Variants in MUC4 observed in about 807,000 individuals in gnomAD.
The protein encoded by MUC4 is mucin-4.
In MUC4, 202 loss-of-function variants were observed where a neutral mutation model predicts 257.9. The ratio of observed to expected loss-of-function variants is 0.78; its 90% CI spans 0.70 to 0.88. The LOEUF is 0.88. Among genes scored for constraint, MUC4 ranks in the 40% least tolerant of loss-of-function variants. MUC4 has a pLI of 0.00. For synonymous variants in MUC4, 2,351 were observed against 2,757.1 expected (o/e 0.85, Z 4.62); for missense variants, 5,976 against 6,513.7 (o/e 0.92, Z 2.84).
intron 10 of MUC4, 100 bp downstream of exon 10, chr3:195,764,897 G>T: frequency 6.6e-7 from 1 of 1,506,700 alleles, no homozygotes; most frequent in Non-Finnish European, 9.0e-7. Flanking sequence ...TGGAGGCCCA[G>T]AGAGGGGAAG....
In MUC4 at chr3:195,790,244, T is replaced by C. The variant is rs763486425; in HGVS notation, c.1336A>G (p.Lys446Glu). Residue 446 changes from lysine to glutamate, a missense_variant, in exon 2 of 25, where the codon AAA (lysine) becomes GAA (glutamate). Coordinates refer to ENST00000463781, the MANE Select transcript of MUC4 (RefSeq NM_018406.7). Reference sequence around the variant, plus strand: ...TGGGTGTGGAAAGCTGTGGATATTTTTGGAGGTAGAGAACTGGGGGAGAGT... The same window carrying C: ...TGGGTGTGGAAAGCTGTGGATATTTCTGGAGGTAGAGAACTGGGGGAGAGT... Reference protein sequence around the residue: ...TALSPSSLPPKISTAFHTQQS... With the variant: ...TALSPSSLPPEISTAFHTQQS... 6 of 1,614,016 alleles carry C rather than the reference T, an allele frequency of 3.7e-6. No homozygotes were observed. The highest frequency in any genetic ancestry group is 3.3e-5 in the Admixed American group (2 of 60,022).
chr3:195,802,361 T>G (rs1229691061), intron 1 of MUC4, among the ~76,000 whole-genome samples: 1 of 57,182 alleles, frequency 1.7e-5, no homozygotes, highest in Non-Finnish European at 4.2e-5. Context: ...GCCTCCTCAC[T>G]GCCCCTGCTG....
At chr3:195,767,323 G>A (rs1467701077) in intron 7 of MUC4, among the ~76,000 whole-genome samples, 2 of 151,260 alleles carry the variant, frequency 1.3e-5, no homozygotes, top group African/African-American at 4.8e-5. Context: ...CCTCAGAACT[G>A]AGTGAGGCCT....
chr3:195,763,386 G>T, intron 12 of MUC4, 47 bp downstream of exon 12: 1 of 1,387,974 alleles, frequency 7.2e-7, no homozygotes, highest in Non-Finnish European at 9.4e-7. Flanking sequence ...GTGGCTGAAG[G>T]TCCCTGTGGG....
At chr3:195,800,994 C>A (rs140561024) in intron 1 of MUC4, among the ~76,000 whole-genome samples, 1 of 151,964 alleles carries the variant, frequency 6.6e-6, no homozygotes, top group Non-Finnish European at 1.5e-5. Flanking sequence ...GTGGACCCCA[C>A]GTTCAGAAAC....
chr3:195,769,306 A>G, intron 6 of MUC4, 154 bp from the exon 7 acceptor site: 1 of 1,191,370 alleles, frequency 8.4e-7, no homozygotes, highest in Non-Finnish European at 1.1e-6. Flanking sequence ...AAATGCTGGC[A>G]AGTTTTGGGT....
rs189878383 is a variant in MUC4, at chr3:195,801,281, A to G, written c.83-9784T>C. 1.2e-4 allele frequency among the ~76,000 whole-genome samples: 19 copies of G among 152,242 alleles called. No individual in the cohort carries two copies. In the East Asian group the frequency reaches 3.7e-3, roughly 29 times the overall value. On this transcript the variant is annotated intron_variant, in intron 1 of 24. Coordinates refer to ENST00000463781, the MANE Select transcript of MUC4 (RefSeq NM_018406.7). ...AAACGCATAAACTTGGGGAGCAGAG[A>G]GCTGGGAGATTTGCGCCTAAAGAGT...
Position 195,747,177 on chromosome 3 carries a change from C to T in MUC4, c.16238G>A (p.Ter5413=), listed in dbSNP as rs778944976. 5 of 1,614,244 alleles carry T rather than the reference C, an allele frequency of 3.1e-6. No individual in the cohort carries two copies. In the South Asian group the frequency reaches 3.3e-5, roughly 11 times the overall value. Residue 5413 remains the stop codon, a stop_retained_variant, in exon 25 of 25, where the codon TGA becomes TAA. Coordinates refer to ENST00000463781, the MANE Select transcript of MUC4 (RefSeq NM_018406.7). ...YFLNSAEALP[*] is the part of the protein sequence containing the mutation. ...GTAGCCTAGGCCACAGCTGCCCCTT[C>T]AAGGCAAGGCCTCAGCTGAGTTCAG...
chr3:195,757,173 T>C lies in MUC4; in HGVS notation c.15142A>G (p.Ser5048Gly), dbSNP rs1273662431. 2 of 1,604,336 alleles carry C rather than the reference T, an allele frequency of 1.2e-6. No homozygotes were observed. The highest frequency in any genetic ancestry group is 1.7e-6 in the Non-Finnish European group (2 of 1,172,338). The change falls in exon 18 of 25, where the codon AGC becomes GGC. Residue 5048 changes from serine (S) to glycine (G), a missense_variant. By Grantham distance (56) the Ser-to-Gly change is moderately conservative. Around this residue, in one of 44 missense-constraint regions of MUC4, gnomAD observed 996 missense variants for 1,137.3 expected, o/e 0.88. Coordinates refer to ENST00000463781, the MANE Select transcript of MUC4 (RefSeq NM_018406.7). This position sits in a 1 kb window ranked among gnomAD's most constrained non-coding sequence, Gnocchi z 4.8. ...TCCAGGGAGGAGTTGCCCACCCTGC[T>C]GGTCTGATTGTACAAACACTGGCTC... ...AESQCLYNQT[S>G]RVGNSSLEVA...
At chr3:195,806,998 G>A (rs1458961688) in intron 1 of MUC4, among the ~76,000 whole-genome samples, 4 of 152,240 alleles carry the variant, frequency 2.6e-5, no homozygotes, top group East Asian at 3.9e-4. Flanking sequence ...ACAGAGAGTC[G>A]ATGTCTGTCC....
Position 195,782,870 on chromosome 3 carries a change from A to C in MUC4, c.8710T>G (p.Ser2904Ala). The part of the protein sequence containing the change: ...ATPLPLTSLS[S>A]VSTGDTTPLP... The stretch of plus-strand genomic sequence containing the variant: ...GGCGTGGTGTCACCTGTGGATACTG[A>C]GGAAAGGCTGGTGAGAGGAAGAGGG... Residue 2904 changes from serine to alanine, a missense_variant, in exon 2 of 25, where the codon TCA (serine) becomes GCA (alanine). Ser to Ala is a moderately conservative substitution (Grantham distance 99). Coordinates refer to ENST00000463781, the MANE Select transcript of MUC4 (RefSeq NM_018406.7). 1.3e-6 allele frequency: 2 copies of C among 1,522,270 alleles called. No homozygotes were observed. The highest frequency in any genetic ancestry group is 1.2e-5 in the South Asian group (1 of 83,228). The allele number at this position is 1,522,270 out of a possible 1,614,324, so 94.3% of individuals were successfully genotyped here. A position where few individuals can be genotyped will look rare whatever the true frequency, so the allele number is the denominator to read the frequency against.
At chr3:195,769,761 C>T (rs1722390047) in intron 6 of MUC4, 1 of 166,018 alleles carries the variant, frequency 6.0e-6, no homozygotes, top group African/African-American at 2.4e-5. Context: ...TGAGCCTGTG[C>T]TTCAGAGCCA....
At chr3:195,773,249 CT>C in intron 4 of MUC4, among the ~76,000 whole-genome samples, 1 of 148,478 alleles carries the variant, frequency 6.7e-6, no homozygotes, top group Admixed American at 6.6e-5. Flanking sequence ...TGTAGATACC[CT>C]CTCTCCATCG....
chr3:195,764,187 G>A (rs1303287409), intron 10 of MUC4, 23 bp from the exon 11 acceptor site: 16 of 1,553,728 alleles, frequency 1.0e-5, no homozygotes, highest in Middle Eastern at 1.7e-4. Context: ...GCAGTGAGTC[G>A]GGGAGGTTGA....
intron 1 of MUC4, among the ~76,000 whole-genome samples, chr3:195,795,810 TA>T (rs1734497014): frequency 9.1e-6 from 1 of 109,590 alleles, no homozygotes; most frequent in Non-Finnish European, 1.7e-5. Flanking sequence ...TCTTTGAAAA[TA>T]AAACAAATAC....
In MUC4 at chr3:195,791,548, C is replaced by T. The variant is rs186838358; in HGVS notation, c.83-51G>A. On this transcript the variant is annotated intron_variant, in intron 1 of 24. Transcript: ENST00000463781. The stretch of plus-strand genomic sequence containing the variant: ...AGAGAGCTAAATCATGAATGAACTC[C>T]TATTCACAATTGCTACAAATAGAAT... 19 of 1,175,036 alleles carry T rather than the reference C, an allele frequency of 1.6e-5. No homozygotes were observed. The African/African-American group carries it at 2.4e-4, about 15-fold the overall frequency. The allele number at this position is 1,175,036 out of a possible 1,614,324, so 72.8% of individuals were successfully genotyped here.
In MUC4 at chr3:195,766,711, G is replaced by C. The variant is rs1340354349; in HGVS notation, c.13570C>G (p.Pro4524Ala). 1 of 1,614,172 alleles carries C rather than the reference G, an allele frequency of 6.2e-7. No individual in the cohort carries two copies. The highest frequency in any genetic ancestry group is 1.7e-5 in the Admixed American group (1 of 60,026). Residue 4524 changes from proline to alanine, a missense_variant, in exon 8 of 25, where the codon CCA becomes GCA. Transcript: ENST00000463781. ...TCAGGGCGATACCTCTCCCACACTGGCTGGGACATCAGTGGGCTGTTTTCG... is the reference window on the plus strand; with the variant it reads ...TCAGGGCGATACCTCTCCCACACTGCCTGGGACATCAGTGGGCTGTTTTCG... ...YFENSPLMSQPVWERYRPDRF... is the reference protein window; with the variant it reads ...YFENSPLMSQAVWERYRPDRF...
Position 195,760,640 on chromosome 3 carries a change from C to CT in MUC4, c.14848+243_14848+244insA, listed in dbSNP as rs1718680599. Among the ~76,000 whole-genome samples, 17 of 33,116 alleles carry CT rather than the reference C, an allele frequency of 5.1e-4. 2 individuals carry two copies. Among genetic ancestry groups the CT allele is most frequent in the East Asian group, 1.5e-3 (1 of 678 alleles). 21.7% of individuals were successfully genotyped at this position (33,116 alleles called of 152,430 possible). ...GGAAGGCATCCAGCGCTAGGATGGA[C>CT]GGAGGGGGCTGGGAAGGCGTCCAGC... On this transcript the variant is annotated intron_variant, in intron 16 of 24. Coordinates refer to ENST00000463781, the MANE Select transcript of MUC4 (RefSeq NM_018406.7).
Position 195,795,851 on chromosome 3 carries a change from G to A in MUC4, c.83-4354C>T, listed in dbSNP as rs71617322. Among the ~76,000 whole-genome samples, 41 of 126,964 alleles carry A rather than the reference G, an allele frequency of 3.2e-4. 1 individual carries two copies. The highest frequency in any genetic ancestry group is 4.6e-4 in the Non-Finnish European group (29 of 63,050). 83.3% of individuals were successfully genotyped at this position (126,964 alleles called of 152,430 possible). ...CAAGAGAAAGAAAGTGGGGGAGGGGGGTGGGAGGAGGGAGAGAGAGAGACA... is the reference window on the plus strand; with the variant it reads ...CAAGAGAAAGAAAGTGGGGGAGGGGAGTGGGAGGAGGGAGAGAGAGAGACA... On this transcript the variant is annotated intron_variant, in intron 1 of 24. Coordinates refer to ENST00000463781, the MANE Select transcript of MUC4 (RefSeq NM_018406.7).
Sources: allele counts gnomAD v4.1 joint callset (sites outside exome capture counted in the v4.1 genomes callset), GRCh38; gene constraint gnomAD v4.1.1; regional missense constraint gnomAD v4.1.1; non-coding constraint Gnocchi (gnomAD v3.1); transcripts MANE v1.5; gene names NCBI Gene and HGNC (gene_info 2026-07-23, HGNC 2026-07-21).